CADPS2: variants seen among roughly 807,000 people sequenced by gnomAD.
CADPS2 encodes calcium dependent secretion activator 2.
CADPS2 carries 93 observed loss-of-function variants against 172.5 expected under a neutral mutation model. The observed-to-expected ratio is 0.54, with a 90% CI of 0.46 to 0.64. The LOEUF is 0.64. Among genes scored for constraint, CADPS2 ranks in the 30% least tolerant of loss-of-function variants. CADPS2 has a pLI of 0.00. For missense variants in CADPS2, 1,420 were observed against 1,565.9 expected (o/e 0.91, Z 1.57); for synonymous variants, 546 against 555.2 (o/e 0.98, Z 0.23).
chr7:122,435,452 G>C (rs1315543250), intron 17 of CADPS2, among the ~76,000 whole-genome samples: 1 of 152,060 alleles, frequency 6.6e-6, no homozygotes, highest in African/African-American at 2.4e-5. Flanking sequence ...AAACCACAAT[G>C]AGATATCATC....
intron 6 of CADPS2, among the ~76,000 whole-genome samples, chr7:122,583,500 G>A (rs2069136772): frequency 2.6e-5 from 4 of 151,470 alleles, no homozygotes; most frequent in Non-Finnish European, 1.5e-5. Flanking sequence ...TGTGATAACT[G>A]CTCTAGGTTT....
chr7:122,544,157 G>A (rs749191431), intron 8 of CADPS2, among the ~76,000 whole-genome samples: 2 of 150,928 alleles, frequency 1.3e-5, no homozygotes, highest in Non-Finnish European at 2.9e-5. Context: ...ACATGAAATA[G>A]CAAGAATCTT....
chr7:122,805,388 G>A (rs1467594449), intron 1 of CADPS2, among the ~76,000 whole-genome samples: 1 of 152,136 alleles, frequency 6.6e-6, no homozygotes, highest in Non-Finnish European at 1.5e-5. Context: ...TCAATCTCCT[G>A]ACCTAGTGAT....
intron 1 of CADPS2, among the ~76,000 whole-genome samples, chr7:122,876,928 A>G (rs772760880): frequency 7.9e-5 from 12 of 152,172 alleles, no homozygotes; most frequent in Non-Finnish European, 1.6e-4. Flanking sequence ...TACCAAAAAC[A>G]AAACAAAAAA....
At chr7:122,750,895 G>A (rs559431241) in intron 1 of CADPS2, among the ~76,000 whole-genome samples, 38 of 152,200 alleles carry the variant, frequency 2.5e-4, no homozygotes, top group Non-Finnish European at 5.0e-4. Context: ...TGGTAATTAT[G>A]AGTTAAGAAA....
intron 27 of CADPS2, among the ~76,000 whole-genome samples, chr7:122,355,191 A>T (rs1026423804): frequency 5.9e-5 from 9 of 152,228 alleles, no homozygotes; most frequent in African/African-American, 2.2e-4. Flanking sequence ...TCTGACAAGT[A>T]TGTTCTAGGA....
intron 29 of CADPS2, among the ~76,000 whole-genome samples, chr7:122,321,971 T>C (rs562687459): frequency 1.7e-4 from 26 of 152,338 alleles, no homozygotes; most frequent in African/African-American, 6.3e-4. Flanking sequence ...AGTCATAAGT[T>C]ATTATGACTA....
chr7:122,403,179 G>C (rs1025933364), intron 20 of CADPS2, among the ~76,000 whole-genome samples: 2 of 152,086 alleles, frequency 1.3e-5, no homozygotes, highest in African/African-American at 4.8e-5. Flanking sequence ...ATTAACAGCT[G>C]GAAGAATTAT....
chr7:122,613,808 G>A (rs1043413777), intron 6 of CADPS2, among the ~76,000 whole-genome samples: 12 of 151,860 alleles, frequency 7.9e-5, no homozygotes, highest in East Asian at 5.8e-4. Flanking sequence ...AAGTTTAGTC[G>A]ATTGAATTAA....
intron 8 of CADPS2, among the ~76,000 whole-genome samples, chr7:122,541,848 CATAT>C (rs1383607380): frequency 1.4e-5 from 1 of 70,178 alleles, no homozygotes; most frequent in Admixed American, 1.4e-4. Flanking sequence ...TTTATATATT[CATAT>C]ATATTTATAT....
chr7:122,591,137 C>G (rs200322814), intron 6 of CADPS2, among the ~76,000 whole-genome samples: 27 of 151,912 alleles, frequency 1.8e-4, no homozygotes, highest in African/African-American at 6.3e-4. Flanking sequence ...CTTCAGCAAA[C>G]TCTCAGGATA....
chr7:122,585,543 T>C (rs7791524), intron 6 of CADPS2: 25,391 of 151,318 alleles, frequency 0.17, 2,558 homozygotes, highest in African/African-American at 0.28. Context: ...CTCCTTATTT[T>C]CTACTTAATT....
intron 1 of CADPS2, among the ~76,000 whole-genome samples, chr7:122,809,557 G>C (rs1799563856): frequency 6.7e-6 from 1 of 149,568 alleles, no homozygotes; most frequent in Non-Finnish European, 1.5e-5. Flanking sequence ...TCCAGCCTGG[G>C]CAATAGAGAG....
At chr7:122,539,790 C>T (rs10441360) in intron 8 of CADPS2, among the ~76,000 whole-genome samples, 4,244 of 136,564 alleles carry the variant, frequency 0.031, 76 homozygotes, top group South Asian at 0.061. Context: ...TGTTTCTCTC[C>T]ATCTCTCTTT....
chr7:122,701,167 TTAACATATAC>T (rs2085998079), intron 2 of CADPS2, among the ~76,000 whole-genome samples: 4 of 152,170 alleles, frequency 2.6e-5, no homozygotes, highest in Admixed American at 6.6e-5. Flanking sequence ...AAATTTGTTT[TTAACATATAC>T]TAATGTTCTT....
intron 1 of CADPS2, among the ~76,000 whole-genome samples, chr7:122,772,134 T>C (rs1047456604): frequency 3.9e-5 from 6 of 152,210 alleles, no homozygotes; most frequent in Non-Finnish European, 8.8e-5. Context: ...GTTAATGTAA[T>C]ACTGCTTAGA....
intron 15 of CADPS2, among the ~76,000 whole-genome samples, chr7:122,446,881 T>G (rs1180613684): frequency 2.0e-5 from 3 of 152,344 alleles, no homozygotes; most frequent in East Asian, 3.9e-4. Flanking sequence ...TTACTTCATT[T>G]CTTTTCCATT....
Position 122,454,897 on chromosome 7 carries a change from A to G in CADPS2, c.2187-3422T>C, listed in dbSNP as rs528809975. On this transcript the variant is annotated intron_variant, in intron 14 of 29. Transcript: ENST00000449022. Reference sequence around the variant, plus strand: ...CACTGATCCCAGCCACTATCTGCTTATCCCTGAGTACGCAGGCAGCCTCTT... The same window carrying G: ...CACTGATCCCAGCCACTATCTGCTTGTCCCTGAGTACGCAGGCAGCCTCTT... 1.6e-4 allele frequency among the ~76,000 whole-genome samples: 25 copies of G among 152,214 alleles called. No homozygotes were observed. The East Asian group carries it at 4.6e-3, about 28-fold the overall frequency.
chr7:122,674,809 C>T (rs2082234909), intron 2 of CADPS2, among the ~76,000 whole-genome samples: 2 of 152,184 alleles, frequency 1.3e-5, no homozygotes, highest in African/African-American at 4.8e-5. Flanking sequence ...GAGAAAAGTA[C>T]AAGAGTCTCA....
Sources: gnomAD v4.1 joint callset for allele counts (sites outside exome capture counted in the v4.1 genomes callset) on GRCh38, gnomAD v4.1.1 for gene constraint, MANE v1.5 for transcripts, NCBI Gene and HGNC (gene_info 2026-07-23, HGNC 2026-07-21) for gene names.